Variants in LRP1B observed in about 807,000 individuals in gnomAD.
LRP1B encodes the protein low-density lipoprotein receptor-related protein 1B.
In LRP1B, 217 loss-of-function variants were observed where a neutral mutation model predicts 556.6. The ratio of observed to expected loss-of-function variants is 0.39; its 90% CI spans 0.35 to 0.44. The LOEUF (loss-of-function observed/expected upper bound fraction) is 0.44. Among genes scored for constraint, LRP1B ranks in the 20% least tolerant of loss-of-function variants. The pLI is 1.00. For missense variants in LRP1B, 5,053 were observed against 5,620.8 expected, an observed-to-expected ratio of 0.90 and a Z score of 3.23; for synonymous variants, 2,047 against 1,865.8, an observed-to-expected ratio of 1.10 and a Z score of -2.50.
chr2:141,075,037 G>A (rs1225184841), intron 7 of LRP1B, among the ~76,000 whole-genome samples: 1 of 152,112 alleles, frequency 6.6e-6, no homozygotes, highest in South Asian at 2.1e-4. Context: ...GAACTCGGAT[G>A]TATTCCGAAA....
chr2:141,305,648 G>A (rs1686559305), intron 3 of LRP1B, among the ~76,000 whole-genome samples: 1 of 152,104 alleles, frequency 6.6e-6, no homozygotes, highest in Non-Finnish European at 1.5e-5. Context: ...GGTGAACGTG[G>A]ACATATTTGT....
At chr2:141,059,463 C>G (rs1490336965) in intron 8 of LRP1B, among the ~76,000 whole-genome samples, 2 of 151,724 alleles carry the variant, frequency 1.3e-5, no homozygotes, top group Non-Finnish European at 2.9e-5. Flanking sequence ...AAACATAGCT[C>G]TCCCTGTGAA....
At position 140,903,012 on chromosome 2, in the gene LRP1B, C is replaced by A. The variant is rs1265059955; in HGVS notation, c.3674G>T (p.Ser1225Ile). The A allele has an allele frequency of 6.2e-7, 1 of 1,613,750 alleles. No homozygotes were observed. The highest frequency in any genetic ancestry group is 8.5e-7 in the Non-Finnish European group (1 of 1,179,790). Residue 1225 changes from serine (S) to isoleucine (I), a missense_variant, in exon 23 of 91, where the codon AGC (serine) becomes ATC (isoleucine). Physicochemically the swap from Ser to Ile is moderately radical, Grantham distance 142 (BLOSUM62 -2). This residue lies in a region of LRP1B where 3,619 missense variants were observed against 3,931.9 expected (regional missense o/e 0.92). Coordinates refer to ENST00000389484, the MANE Select transcript of LRP1B (RefSeq NM_018557.3). ...VDYCSNHLKC[S>I]QVCEQHKHTV... ...GTGCTTGTGCTGCTCACATACTTGGCTGCACTTTAGATGATTGCTACAATA... is the reference window on the plus strand; with the variant it reads ...GTGCTTGTGCTGCTCACATACTTGGATGCACTTTAGATGATTGCTACAATA...
intron 40 of LRP1B, 45 bp from the exon 41 acceptor site, chr2:140,700,666 C>A (rs1426450530): frequency 1.7e-5 from 27 of 1,574,080 alleles, no homozygotes; most frequent in Non-Finnish European, 2.2e-5. Flanking sequence ...TTATGTTTTT[C>A]TTTTGTTTTT....
At chr2:140,284,307 C>G (rs1415103427) in intron 84 of LRP1B, among the ~76,000 whole-genome samples, 1 of 125,804 alleles carries the variant, frequency 7.9e-6, no homozygotes, top group Admixed American at 8.5e-5. Context: ...CCCCTCCCCC[C>G]CAAAAAAAAA....
intron 2 of LRP1B, among the ~76,000 whole-genome samples, chr2:141,624,711 T>C (rs567414392): frequency 6.6e-6 from 1 of 152,342 alleles, no homozygotes; most frequent in African/African-American, 2.4e-5. Context: ...ATTTTTCCTA[T>C]CTCATTTTTA....
chr2:141,857,465 C>T (rs540737639), intron 1 of LRP1B, among the ~76,000 whole-genome samples: 80 of 151,662 alleles, frequency 5.3e-4, no homozygotes, highest in Non-Finnish European at 9.4e-4. Context: ...CTCAGCCTCC[C>T]GAGTAGTTGG....
chr2:142,063,408 G>T (rs563794409), intron 1 of LRP1B, among the ~76,000 whole-genome samples: 2 of 151,568 alleles, frequency 1.3e-5, no homozygotes, highest in South Asian at 2.1e-4. Context: ...CTTAACATTT[G>T]GGACTGCTAA....
chr2:140,771,559 A>G (rs568579164), intron 33 of LRP1B, among the ~76,000 whole-genome samples: 37 of 152,360 alleles, frequency 2.4e-4, no homozygotes, highest in African/African-American at 8.7e-4. Flanking sequence ...AAACACAGCC[A>G]TAAGAATCAT....
chr2:140,880,523 T>C (rs185606841), intron 25 of LRP1B, among the ~76,000 whole-genome samples: 1 of 152,286 alleles, frequency 6.6e-6, no homozygotes, highest in Non-Finnish European at 1.5e-5. Flanking sequence ...ATGACAGATA[T>C]GTTTTATAAC....
At chr2:141,891,062 T>C (rs1479859510) in intron 1 of LRP1B, among the ~76,000 whole-genome samples, 1 of 152,164 alleles carries the variant, frequency 6.6e-6, no homozygotes, top group East Asian at 1.9e-4. Flanking sequence ...ATTACCTCTC[T>C]TGAGATCTAA....
At position 140,679,806 on chromosome 2, in the gene LRP1B, G is replaced by C. The variant is rs541569208; in HGVS notation, c.6799+20444C>G. Among the ~76,000 whole-genome samples the C allele has an allele frequency of 5.5e-4, 84 of 152,232 alleles. 1 individual carries two copies. The highest frequency in any genetic ancestry group is 5.4e-3 in the Admixed American group (83 of 15,280). ...CACCTGGGTTTTCTCAGACCCTAAA[G>C]CAAGCTTCTCCAACACACAGCCTGT... is the stretch of plus-strand genomic sequence containing the variant. On this transcript the variant is annotated intron_variant, in intron 41 of 90. Transcript: ENST00000389484.
chr2:141,706,548 G>A (rs981126236), intron 2 of LRP1B, among the ~76,000 whole-genome samples: 1 of 151,988 alleles, frequency 6.6e-6, no homozygotes, highest in African/African-American at 2.4e-5. Context: ...CAAGTCCTCT[G>A]GCAGACTGAA....
At chr2:141,442,330 A>C (rs1262716969) in intron 3 of LRP1B, among the ~76,000 whole-genome samples, 3 of 152,136 alleles carry the variant, frequency 2.0e-5, no homozygotes, top group African/African-American at 7.2e-5. Flanking sequence ...TTACTTTTAT[A>C]GTATAATAGA....
Position 140,628,279 on chromosome 2 carries a change from C to T in LRP1B, c.6800-26640G>A, listed in dbSNP as rs185144277. ...GGCGCAGTGGCTCACGACTGTAATC[C>T]CCACACTTTGGGAGGCCGAGGCGGG... On this transcript the variant is annotated intron_variant, in intron 41 of 90. Transcript: ENST00000389484. Among the ~76,000 whole-genome samples, 16 of 152,152 alleles carry T rather than the reference C, an allele frequency of 1.1e-4. No individual in the cohort carries two copies. In the East Asian group the frequency reaches 2.3e-3, roughly 22 times the overall value.
intron 2 of LRP1B, among the ~76,000 whole-genome samples, chr2:141,680,416 G>A (rs1452395385): frequency 2.0e-5 from 3 of 152,124 alleles, no homozygotes; most frequent in African/African-American, 7.2e-5. Flanking sequence ...GGAAAAATAA[G>A]CGGGAAACTT....
chr2:141,825,560 A>T (rs1344177135), intron 1 of LRP1B, among the ~76,000 whole-genome samples: 1 of 152,164 alleles, frequency 6.6e-6, no homozygotes, highest in Admixed American at 6.5e-5. Context: ...CTAAATTATC[A>T]ATTGAGAAGA....
chr2:141,970,399 G>T (rs1004534010), intron 1 of LRP1B, among the ~76,000 whole-genome samples: 1 of 151,492 alleles, frequency 6.6e-6, no homozygotes, highest in Non-Finnish European at 1.5e-5. Flanking sequence ...TCAGTGATAC[G>T]ATGAATGATG....
intron 2 of LRP1B, among the ~76,000 whole-genome samples, chr2:141,484,049 C>T: frequency 6.6e-6 from 1 of 152,206 alleles, no homozygotes; most frequent in Non-Finnish European, 1.5e-5. Context: ...ATGTCTATGT[C>T]CTGAACGGTA....
Sources: allele counts gnomAD v4.1 joint callset (sites outside exome capture counted in the v4.1 genomes callset), GRCh38; gene constraint gnomAD v4.1.1; regional missense constraint gnomAD v4.1.1; transcripts MANE v1.5; gene names NCBI Gene and HGNC (gene_info 2026-07-23, HGNC 2026-07-21).